RHOU: variants seen among roughly 807,000 people sequenced by gnomAD.
The protein encoded by RHOU is ras homolog family member U.
Under a neutral mutation model 12.6 loss-of-function variants are expected in RHOU, and 8 were observed. The observed-to-expected ratio is 0.64, with a 90% confidence interval of 0.37 to 1.15. The LOEUF is 1.15. RHOU is among the 50% of genes most tolerant of loss of function. The probability of loss-of-function intolerance (pLI) is 0.01; values close to 1 mark genes in which losing one functional copy is unlikely to be tolerated. For missense variants in RHOU, 258 were observed against 347.0 expected (o/e 0.74, Z 2.04); for synonymous variants, 161 against 147.4 (o/e 1.09, Z -0.67).
the RHOU span, among the ~76,000 whole-genome samples, chr1:228,717,388 A>C: frequency 3.3e-5 from 5 of 152,222 alleles, no homozygotes; most frequent in South Asian, 2.1e-4. Flanking sequence ...TCTAGAACTG[A>C]AATGACCTCT....
At chr1:228,662,158 A>T in the RHOU span, among the ~76,000 whole-genome samples, 2 of 152,228 alleles carry the variant, frequency 1.3e-5, no homozygotes, top group African/African-American at 2.4e-5. Context: ...TAGAATGGTG[A>T]TCATTAAAAA....
chr1:228,674,177 G>A, the RHOU span, among the ~76,000 whole-genome samples: 1 of 152,074 alleles, frequency 6.6e-6, no homozygotes, highest in African/African-American at 2.4e-5. Flanking sequence ...CTTTTGTGAA[G>A]TTATATATCT....
the RHOU span, among the ~76,000 whole-genome samples, chr1:228,659,105 G>C: frequency 6.6e-6 from 1 of 152,134 alleles, no homozygotes; most frequent in Non-Finnish European, 1.5e-5. Context: ...AAAGCCGAGC[G>C]TCATGGCTCA....
At chr1:228,664,054 T>C in the RHOU span, among the ~76,000 whole-genome samples, 47 of 144,474 alleles carry the variant, frequency 3.3e-4, no homozygotes, top group African/African-American at 1.2e-3. Flanking sequence ...TCTTATCTTC[T>C]GTCGCCCAGG....
the RHOU span, among the ~76,000 whole-genome samples, chr1:228,653,829 C>G: frequency 5.8e-4 from 89 of 152,212 alleles, 4 homozygotes; most frequent in Admixed American, 2.9e-3. Flanking sequence ...AATGATTAGG[C>G]GAAATTTGAT....
the RHOU span, among the ~76,000 whole-genome samples, chr1:228,676,300 G>T: frequency 6.6e-6 from 1 of 151,846 alleles, no homozygotes; most frequent in Middle Eastern, 3.2e-3. Context: ...TGCCTCTCTG[G>T]GCCTGATAAT....
the RHOU span, among the ~76,000 whole-genome samples, chr1:228,672,980 T>A: frequency 6.6e-6 from 1 of 152,202 alleles, no homozygotes; most frequent in African/African-American, 2.4e-5. Context: ...TTACTTCTTG[T>A]CTAGTGGCAC....
At chr1:228,647,574 C>G in the RHOU span, among the ~76,000 whole-genome samples, 1 of 152,222 alleles carries the variant, frequency 6.6e-6, no homozygotes, top group Non-Finnish European at 1.5e-5. Context: ...CTGCCCGCCC[C>G]TTCCCCCGGT....
chr1:228,697,649 G>T, the RHOU span, among the ~76,000 whole-genome samples: 6 of 152,302 alleles, frequency 3.9e-5, no homozygotes, highest in Admixed American at 3.9e-4. Flanking sequence ...GAAATGCACC[G>T]ATGAGGGAAG....
rs924753136 is a variant in RHOU at position 228,744,370 on chromosome 1, A to G, written c.*630A>G. Reference sequence around the variant, plus strand: ...TCCCACTGACTGTATGGCACTCTGTAGTCAAAAAAGGAAACTTCCTTATTG... The same window carrying G: ...TCCCACTGACTGTATGGCACTCTGTGGTCAAAAAAGGAAACTTCCTTATTG... On this transcript the variant is annotated 3_prime_UTR_variant, in exon 3 of 3. Coordinates refer to ENST00000366691, the MANE Select transcript of RHOU (RefSeq NM_021205.6). 6.6e-6 allele frequency: 1 copy of G among 152,258 alleles called. No individual in the cohort carries two copies. The highest frequency in any genetic ancestry group is 2.4e-5 in the African/African-American group (1 of 41,478). The allele number at this position is 152,258 out of a possible 1,614,324, so 9.4% of individuals were successfully genotyped here. A position where few individuals can be genotyped will look rare whatever the true frequency, so the allele number is the denominator to read the frequency against.
At chr1:228,732,311 A>G (rs1662513425), upstream of RHOU, among the ~76,000 whole-genome samples, 1 of 152,184 alleles carries the variant, frequency 6.6e-6, no homozygotes, top group Non-Finnish European at 1.5e-5. Flanking sequence ...ACAAACAAAT[A>G]TATCATACAA....
chr1:228,701,271 C>T, the RHOU span, among the ~76,000 whole-genome samples: 2 of 152,090 alleles, frequency 1.3e-5, no homozygotes, highest in Admixed American at 6.6e-5. Context: ...AGTATGACCA[C>T]AGGTCACTGT....
the RHOU span, among the ~76,000 whole-genome samples, chr1:228,659,966 CAA>C: frequency 0.031 from 2,383 of 76,682 alleles, 72 homozygotes; most frequent in African/African-American, 0.11. Flanking sequence ...AAAAAAAAAA[CAA>C]AAAAAAAAAA....
the RHOU span, among the ~76,000 whole-genome samples, chr1:228,694,205 G>T: frequency 1.3e-5 from 2 of 152,184 alleles, no homozygotes; most frequent in Non-Finnish European, 2.9e-5. Flanking sequence ...AGTGGATACG[G>T]TTACATTTAA....
chr1:228,647,681 C>T, the RHOU span, among the ~76,000 whole-genome samples: 2 of 152,152 alleles, frequency 1.3e-5, no homozygotes, highest in African/African-American at 4.8e-5. Context: ...CTGGCCTGCA[C>T]CTTAGTGATC....
chr1:228,701,583 C>A, the RHOU span, among the ~76,000 whole-genome samples: 1 of 151,988 alleles, frequency 6.6e-6, no homozygotes, highest in Non-Finnish European at 1.5e-5. Context: ...TTTAATAAAA[C>A]CTTATAAACA....
chr1:228,646,818 G>T, the RHOU span, among the ~76,000 whole-genome samples: 2 of 151,774 alleles, frequency 1.3e-5, no homozygotes, highest in Non-Finnish European at 2.9e-5. Context: ...ACACACACAC[G>T]GTGAAACACA....
At chr1:228,741,065 C>T (rs566315748) in intron 2 of RHOU, among the ~76,000 whole-genome samples, 2 of 151,952 alleles carry the variant, frequency 1.3e-5, no homozygotes, top group South Asian at 2.1e-4. Flanking sequence ...GCCTTTTGAC[C>T]CATAAAGTAC....
In RHOU at chr1:228,735,758, G is replaced by C. The variant is rs1662590070; in HGVS notation, c.16G>C (p.Gly6Arg). The change falls in exon 1 of 3, where the codon GGG (glycine) becomes CGG (arginine). Residue 6 changes from glycine (G) to arginine (R), a missense_variant. Transcript: ENST00000366691. This position sits in a 1 kb window ranked among gnomAD's most constrained non-coding sequence, Gnocchi z 8.1. MPPQQ[G>R]DPAFPDRCEA... ...TCGCGGATCGATGCCCCCGCAGCAG[G>C]GGGACCCCGCGTTCCCCGACCGCTG... The C allele has an allele frequency of 1.7e-6, 2 of 1,209,174 alleles. No homozygotes were observed. Among genetic ancestry groups the C allele is most frequent in the Non-Finnish European group, 2.1e-6 (2 of 974,138 alleles). The allele number at this position is 1,209,174 out of a possible 1,614,324, so 74.9% of individuals were successfully genotyped here.
Sources: allele counts gnomAD v4.1 joint callset (sites outside exome capture counted in the v4.1 genomes callset), GRCh38; gene constraint gnomAD v4.1.1; non-coding constraint Gnocchi (gnomAD v3.1); transcripts MANE v1.5; gene names NCBI Gene and HGNC (gene_info 2026-07-23, HGNC 2026-07-21).